Variants in FBXO46 observed in about 807,000 individuals in gnomAD.
The protein encoded by FBXO46 is F-box only protein 46.
A neutral mutation model predicts 30.7 loss-of-function variants in FBXO46; 13 were observed. That is an observed-to-expected ratio of 0.42 (90% CI 0.28 to 0.67). The LOEUF (loss-of-function observed/expected upper bound fraction) is 0.67. Ranked by LOEUF, FBXO46 falls within the 30% of genes least tolerant of loss-of-function variation. The pLI, the probability that FBXO46 is intolerant of heterozygous loss-of-function variation, is 0.21. For missense variants in FBXO46, 754 were observed against 871.5 expected, an observed-to-expected ratio of 0.87 and a Z score of 1.70; for synonymous variants, 467 against 385.8, an observed-to-expected ratio of 1.21 and a Z score of -2.47.
chr19:45,721,074 C>A (rs1046415278), intron 1 of FBXO46, among the ~76,000 whole-genome samples: 9 of 151,616 alleles, frequency 5.9e-5, no homozygotes, highest in Admixed American at 5.9e-4. Flanking sequence ...GAAAAATAGG[C>A]CACGTGTGGT....
At chr19:45,715,006 G>A (rs1425191693) in intron 1 of FBXO46, 2 of 152,192 alleles carry the variant, frequency 1.3e-5, no homozygotes, top group Non-Finnish European at 2.9e-5. Context: ...GGGTGACATA[G>A]CTAAGATTAC....
chr19:45,713,338 G>C lies in FBXO46; in HGVS notation c.158C>G (p.Ser53Ter). Residue 53 changes from serine (S) to a stop codon, truncating the protein, a stop_gained, in exon 2 of 2, where the codon TCA becomes TGA. Coordinates refer to ENST00000317683, the MANE Select transcript of FBXO46 (RefSeq NM_001080469.2). LOFTEE classifies it high-confidence loss of function. This position sits in a 1 kb window ranked among gnomAD's most constrained non-coding sequence, Gnocchi z 4.7. ...GAEPDHGPAH[S>*]ENTPPALATE... ...GGCCAAGGCGGGTGGTGTGTTCTCT[G>C]AGTGGGCAGGCCCATGGTCTGGCTC... 1 of 1,613,220 alleles carries C rather than the reference G, an allele frequency of 6.2e-7. No homozygotes were observed. Among genetic ancestry groups the C allele is most frequent in the Non-Finnish European group, 8.5e-7 (1 of 1,179,594 alleles).
chr19:45,732,127 A>G (rs1968325147), upstream of FBXO46, among the ~76,000 whole-genome samples: 1 of 151,854 alleles, frequency 6.6e-6, no homozygotes, highest in African/African-American at 2.4e-5. Context: ...AAAAAAAAAA[A>G]AAAGAAGAAG....
At chr19:45,726,579 C>T (rs1242731590) in intron 1 of FBXO46, among the ~76,000 whole-genome samples, 1 of 151,714 alleles carries the variant, frequency 6.6e-6, no homozygotes, top group African/African-American at 2.4e-5. Flanking sequence ...ACCCAAGAGG[C>T]GGACGTTGCA....
chr19:45,725,849 C>A (rs1360658889), intron 1 of FBXO46, among the ~76,000 whole-genome samples: 3 of 152,030 alleles, frequency 2.0e-5, no homozygotes, highest in Admixed American at 6.6e-5. Context: ...TCCCTGTTTT[C>A]TTTTTGTTTT....
rs1274857864 is a variant in FBXO46, at chr19:45,712,764, C to G, written c.732G>C (p.Lys244Asn). The G allele has an allele frequency of 1.9e-6, 3 of 1,611,164 alleles. No individual in the cohort carries two copies. The highest frequency in any genetic ancestry group is 2.5e-6 in the Non-Finnish European group (3 of 1,178,650). The part of the protein sequence containing the change: ...FEAQRDSPPT[K>N]GLRKEERPGP... ...CGGGCCGCTCTTCCTTGCGGAGGCC[C>G]TTGGTGGGAGGGCTGTCCCTCTGCG... Residue 244 changes from lysine to asparagine, a missense_variant, in exon 2 of 2, where the codon AAG becomes AAC. Around this residue, in one of 5 missense-constraint regions of FBXO46, gnomAD observed 454 missense variants for 426.5 expected, o/e 1.06. Coordinates refer to ENST00000317683, the MANE Select transcript of FBXO46 (RefSeq NM_001080469.2). The surrounding 1 kb of genome is among the most constrained non-coding windows in gnomAD (Gnocchi z 8.8).
intron 1 of FBXO46, chr19:45,715,812 A>G (rs1968082683): frequency 6.6e-6 from 1 of 150,926 alleles, no homozygotes; most frequent in Non-Finnish European, 1.5e-5. Flanking sequence ...ATCTCAAAAA[A>G]AAAAAAAAAA....
intron 1 of FBXO46, among the ~76,000 whole-genome samples, chr19:45,727,630 C>T (rs1968256350): frequency 6.6e-6 from 1 of 151,782 alleles, no homozygotes; most frequent in South Asian, 2.1e-4. Context: ...CACACAGCAA[C>T]AGAAGCAGGG....
At position 45,717,924 on chromosome 19, in the gene FBXO46, C is replaced by A. The variant is rs1303171632; in HGVS notation, c.-78-4351G>T. Among the ~76,000 whole-genome samples, 3 of 152,322 alleles carry A rather than the reference C, an allele frequency of 2.0e-5. No homozygotes were observed. The East Asian group carries it at 5.8e-4, about 29-fold the overall frequency. On this transcript the variant is annotated intron_variant, in intron 1 of 1. Transcript: ENST00000317683. The stretch of plus-strand genomic sequence containing the variant: ...TAGGCCTGGCGTTCAAGGCTCAAGC[C>A]GTGTAGCCATTCGGAGCTGCCAGTT...
chr19:45,714,668 G>C (rs1335306377), intron 1 of FBXO46: 1 of 152,176 alleles, frequency 6.6e-6, no homozygotes, highest in Non-Finnish European at 1.5e-5. Flanking sequence ...GGGAGGCCGA[G>C]GTGGGCAGAT....
At chr19:45,729,806 T>G (rs1306523350) in intron 1 of FBXO46, among the ~76,000 whole-genome samples, 1 of 152,214 alleles carries the variant, frequency 6.6e-6, no homozygotes, top group East Asian at 1.9e-4. Flanking sequence ...TTAGCTGTAA[T>G]CCACAGTGGG....
chr19:45,711,328 CCCTTAA>C lies in FBXO46; in HGVS notation c.*350_*355del, dbSNP rs1459513941. 2.1e-6 allele frequency: 1 copy of C among 480,272 alleles called. No homozygotes were observed. Among genetic ancestry groups the C allele is most frequent in the African/African-American group, 2.0e-5 (1 of 49,688 alleles). The allele number at this position is 480,272 out of a possible 1,614,324, so 29.8% of individuals were successfully genotyped here. Reference sequence around the variant, plus strand: ...GAGGATGGGGGCCAGAATGGGGGGACCCTTAAGTGGTACCAAAATTAGCTGCCGTCT... The same window carrying C: ...GAGGATGGGGGCCAGAATGGGGGGACGTGGTACCAAAATTAGCTGCCGTCT... On this transcript the variant is annotated 3_prime_UTR_variant, in exon 2 of 2. Transcript: ENST00000317683.
intron 1 of FBXO46, chr19:45,716,851 T>C (rs1282955438): frequency 6.6e-6 from 1 of 152,204 alleles, no homozygotes; most frequent in Non-Finnish European, 1.5e-5. Context: ...TAATGCCTAG[T>C]TCCCGATGAG....
intron 1 of FBXO46, among the ~76,000 whole-genome samples, chr19:45,720,755 G>C (rs531954629): frequency 6.6e-6 from 1 of 152,218 alleles, no homozygotes; most frequent in African/African-American, 2.4e-5. Context: ...ACCACACCAA[G>C]TCAGAACTTA....
intron 1 of FBXO46, among the ~76,000 whole-genome samples, chr19:45,725,536 G>A (rs1241125073): frequency 6.6e-6 from 1 of 151,910 alleles, no homozygotes; most frequent in Non-Finnish European, 1.5e-5. Flanking sequence ...TTCAGGACTA[G>A]CCTAGGCAAC....
Position 45,712,553 on chromosome 19 carries a change from A to G in FBXO46, c.943T>C (p.Ser315Pro). Residue 315 changes from serine to proline, a missense_variant, in exon 2 of 2, where the codon TCG (serine) becomes CCG (proline). Around this residue, in one of 5 missense-constraint regions of FBXO46, gnomAD observed 454 missense variants for 426.5 expected, o/e 1.06. Transcript: ENST00000317683. This position sits in a 1 kb window ranked among gnomAD's most constrained non-coding sequence, Gnocchi z 8.8. ...TCDLYQLISP[S>P]RDALPSNVEF... ...ACGTTGCTGGGGAGGGCATCCCGCGAGGGGCTGATGAGCTGGTATAAGTCA... is the reference window on the plus strand; with the variant it reads ...ACGTTGCTGGGGAGGGCATCCCGCGGGGGGCTGATGAGCTGGTATAAGTCA... 1 of 1,597,330 alleles carries G rather than the reference A, an allele frequency of 6.3e-7. No homozygotes were observed. Among genetic ancestry groups the G allele is most frequent in the Non-Finnish European group, 8.5e-7 (1 of 1,170,784 alleles).
chr19:45,724,411 G>A (rs998014582), intron 1 of FBXO46, among the ~76,000 whole-genome samples: 9 of 152,176 alleles, frequency 5.9e-5, no homozygotes, highest in African/African-American at 1.9e-4. Flanking sequence ...ACAAATGCTC[G>A]CATACTTGCA....
intron 1 of FBXO46, among the ~76,000 whole-genome samples, chr19:45,724,435 A>T (rs1399509099): frequency 6.6e-6 from 1 of 152,208 alleles, no homozygotes; most frequent in Non-Finnish European, 1.5e-5. Context: ...CTGCCCTACC[A>T]TTATGACAAC....
chr19:45,725,471 G>A (rs1348431667), intron 1 of FBXO46, among the ~76,000 whole-genome samples: 4 of 152,060 alleles, frequency 2.6e-5, no homozygotes. Flanking sequence ...CAGGTGCGGT[G>A]GCTCACACCT....
Sources: allele counts gnomAD v4.1 joint callset (sites outside exome capture counted in the v4.1 genomes callset), GRCh38; gene constraint gnomAD v4.1.1; regional missense constraint gnomAD v4.1.1; non-coding constraint Gnocchi (gnomAD v3.1); transcripts MANE v1.5; gene names NCBI Gene and HGNC (gene_info 2026-07-23, HGNC 2026-07-21).